Variants in COL24A1 observed in about 807,000 individuals in gnomAD.
The protein encoded by COL24A1 is collagen alpha-1(XXIV) chain.
Under a neutral mutation model 253.9 loss-of-function variants are expected in COL24A1, and 224 were observed. The ratio of observed to expected loss-of-function variants is 0.88; its 90% confidence interval spans 0.79 to 0.99. COL24A1 has a LOEUF of 0.99. COL24A1 is among the 50% of genes least tolerant of loss of function. COL24A1 has a pLI of 0.00. For missense variants in COL24A1, 2,131 were observed against 2,068.5 expected, an observed-to-expected ratio of 1.03 and a Z score of -0.59; for synonymous variants, 685 against 673.7, an observed-to-expected ratio of 1.02 and a Z score of -0.26.
chr1:86,128,060 G>A (rs757431649), intron 2 of COL24A1, among the ~76,000 whole-genome samples: 5 of 151,962 alleles, frequency 3.3e-5, no homozygotes, highest in Non-Finnish European at 7.4e-5. Flanking sequence ...CCTAACACCA[G>A]TGTAGAATTA....
chr1:86,126,190 C>T lies in COL24A1; in HGVS notation c.146G>A (p.Gly49Asp). 1 of 1,597,606 alleles carries T rather than the reference C, an allele frequency of 6.3e-7. No homozygotes were observed. The highest frequency in any genetic ancestry group is 8.5e-7 in the Non-Finnish European group (1 of 1,177,010). ...GTGTCTTACGTCTTTGCCTCCAAGG[C>T]CTAGTTGATGAAGAATATCTATGCC... Reference protein sequence around the residue: ...EQGIDILHQLGLGGKDVRHSS... With the variant: ...EQGIDILHQLDLGGKDVRHSS... The change falls in exon 3 of 60, where the codon GGC becomes GAC. Residue 49 changes from glycine (G) to aspartate (D), a missense_variant. Transcript: ENST00000370571.
chr1:85,737,566 CTT>C (rs111790983), intron 57 of COL24A1, 61 bp from the exon 58 acceptor site: 1,991 of 920,890 alleles, frequency 2.2e-3, no homozygotes, highest in South Asian at 2.7e-3. Context: ...CTTATAATTT[CTT>C]TTTTTTTTTT....
chr1:85,822,766 T>G (rs572311740), intron 45 of COL24A1, among the ~76,000 whole-genome samples: 1 of 152,182 alleles, frequency 6.6e-6, no homozygotes, highest in Admixed American at 6.5e-5. Flanking sequence ...GCCAAGTCGG[T>G]TTAGCAAGAA....
chr1:85,808,591 A>G (rs1672217952), intron 47 of COL24A1, among the ~76,000 whole-genome samples: 1 of 152,246 alleles, frequency 6.6e-6, no homozygotes, highest in Non-Finnish European at 1.5e-5. Context: ...CTGAGCAGAT[A>G]TCTTTATATT....
At chr1:86,050,321 T>C in intron 10 of COL24A1, 144 bp from the exon 11 acceptor site, 1 of 477,068 alleles carries the variant, frequency 2.1e-6, no homozygotes, top group Non-Finnish European at 3.7e-6. Flanking sequence ...CTCACCTAAT[T>C]GCTTTTCTTC....
intron 20 of COL24A1, among the ~76,000 whole-genome samples, chr1:85,976,032 G>A (rs756103048): frequency 9.2e-4 from 140 of 152,318 alleles, no homozygotes; most frequent in African/African-American, 1.4e-3. Context: ...GAAGGCAGCC[G>A]GCAGAATCTG....
At position 86,126,097 on chromosome 1, in the gene COL24A1, G is replaced by T; in HGVS notation, c.239C>A (p.Ser80Ter). 3 of 1,613,252 alleles carry T rather than the reference G, an allele frequency of 1.9e-6. No homozygotes were observed. The highest frequency in any genetic ancestry group is 1.7e-6 in the Non-Finnish European group (2 of 1,179,746). The change falls in exon 3 of 60, where the codon TCA (serine) becomes TAA (stop). Residue 80 changes from serine to a stop codon, truncating the protein, a stop_gained. Transcript: ENST00000370571. LOFTEE classifies it high-confidence loss of function. ...PLPQGVHLTE[S>*]GVIFKNDAYI... ...AGCATCATTTTTAAAAATGACTCCT[G>T]ATTCTGTTAAATGGACCCCCTGAGG... is the stretch of plus-strand genomic sequence containing the variant.
At chr1:86,150,535 A>C (rs565816360) in intron 1 of COL24A1, among the ~76,000 whole-genome samples, 83 of 152,270 alleles carry the variant, frequency 5.5e-4, no homozygotes, top group African/African-American at 1.9e-3. Context: ...GAATTTTTTA[A>C]ATCTGCTATG....
chr1:85,851,190 T>A (rs1677731797), intron 37 of COL24A1, among the ~76,000 whole-genome samples: 1 of 152,066 alleles, frequency 6.6e-6, no homozygotes, highest in East Asian at 1.9e-4. Flanking sequence ...GTATTTTGTA[T>A]CTTTAAAAAT....
intron 19 of COL24A1, among the ~76,000 whole-genome samples, chr1:85,994,995 T>C (rs563692320): frequency 6.8e-4 from 104 of 152,332 alleles, no homozygotes; most frequent in Non-Finnish European, 1.2e-3. Context: ...TGTAATTCTA[T>C]GTATTTGAGC....
chr1:85,761,421 C>CCCTA lies in COL24A1; in HGVS notation c.4411-3_4411dup (p.Gly1471ValfsTer24). 6.2e-7 allele frequency: 1 copy of CCCTA among 1,613,996 alleles called. No individual in the cohort carries two copies. The highest frequency in any genetic ancestry group is 8.5e-7 in the Non-Finnish European group (1 of 1,179,964). ...TCTTGGGCCTGGTGCTCCAGGTGGA[C>CCCTA]CCTAGAACACAGCAAATTAAAAAAA... is the stretch of plus-strand genomic sequence containing the variant. On this transcript the variant is annotated frameshift_variant and splice_region_variant, in exon 55 of 60. Coordinates refer to ENST00000370571, the MANE Select transcript of COL24A1 (RefSeq NM_152890.7). LOFTEE classifies it high-confidence loss of function.
chr1:85,894,420 T>C (rs922780230), intron 31 of COL24A1, among the ~76,000 whole-genome samples: 3 of 152,164 alleles, frequency 2.0e-5, no homozygotes, highest in African/African-American at 4.8e-5. Flanking sequence ...CAGGCATACA[T>C]TGATGGGCTG....
chr1:85,940,730 C>G (rs74097617), intron 24 of COL24A1, among the ~76,000 whole-genome samples: 4,884 of 152,234 alleles, frequency 0.032, 265 homozygotes, highest in African/African-American at 0.11. Context: ...AACTATTTGA[C>G]TCTTGGATCA....
intron 12 of COL24A1, among the ~76,000 whole-genome samples, chr1:86,036,694 G>A (rs2101568597): frequency 6.6e-6 from 1 of 152,186 alleles, no homozygotes; most frequent in South Asian, 2.1e-4. Flanking sequence ...CCAAAAAATG[G>A]TCTTCAAGAT....
intron 53 of COL24A1, among the ~76,000 whole-genome samples, chr1:85,775,043 T>C (rs904067858): frequency 1.3e-4 from 20 of 152,256 alleles, no homozygotes; most frequent in Non-Finnish European, 2.5e-4. Context: ...CTGCTTTAAA[T>C]GTATCCCAGA....
chr1:86,125,683 A>C lies in COL24A1; in HGVS notation c.653T>G (p.Ile218Arg). ...MNNNSIHFEG[I>R]VCQLDIIPSA... ...AGGAATAATATCTAACTGACATACT[A>C]TTCCTTCAAAATGGATAGAATTATT... is the stretch of plus-strand genomic sequence containing the variant. The change falls in exon 3 of 60, where the codon ATA becomes AGA. Residue 218 changes from isoleucine to arginine, a missense_variant. Physicochemically the swap from Ile to Arg is moderately conservative, Grantham distance 97. Transcript: ENST00000370571. 6.2e-7 allele frequency: 1 copy of C among 1,611,394 alleles called. No individual in the cohort carries two copies. Among genetic ancestry groups the C allele is most frequent in the South Asian group, 1.1e-5 (1 of 90,954 alleles).
intron 2 of COL24A1, among the ~76,000 whole-genome samples, chr1:86,140,319 T>C (rs899374690): frequency 2.6e-5 from 4 of 152,224 alleles, no homozygotes; most frequent in Non-Finnish European, 4.4e-5. Flanking sequence ...TAAATACCAC[T>C]GTCACACTGG....
At chr1:85,939,460 A>C (rs1031938892) in intron 24 of COL24A1, among the ~76,000 whole-genome samples, 1 of 152,128 alleles carries the variant, frequency 6.6e-6, no homozygotes, top group Non-Finnish European at 1.5e-5. Context: ...GTTTCTGGGG[A>C]TTGGCTCCCA....
At chr1:85,979,216 T>G (rs1203671492) in intron 20 of COL24A1, among the ~76,000 whole-genome samples, 1 of 152,162 alleles carries the variant, frequency 6.6e-6, no homozygotes, top group East Asian at 1.9e-4. Flanking sequence ...TTCATAGTAT[T>G]AAATGCCTAT....
Sources: gnomAD v4.1 joint callset for allele counts (sites outside exome capture counted in the v4.1 genomes callset) on GRCh38, gnomAD v4.1.1 for gene constraint, MANE v1.5 for transcripts, NCBI Gene and HGNC (gene_info 2026-07-23, HGNC 2026-07-21) for gene names.